The following RAD51B variants were observed in gnomAD, a reference collection of about 807,000 sequenced individuals.
The protein encoded by RAD51B is RAD51 paralog B.
Under a neutral mutation model 42.2 loss-of-function variants are expected in RAD51B, and 38 were observed. That is an observed-to-expected ratio of 0.90 (90% CI 0.70 to 1.18). The LOEUF (loss-of-function observed/expected upper bound fraction) is 1.18. Ranked by LOEUF, RAD51B falls within the 50% of genes most tolerant of loss-of-function variation. The pLI, the probability that RAD51B is intolerant of heterozygous loss-of-function variation, is 0.00. For synonymous variants in RAD51B, 154 were observed against 145.2 expected, an observed-to-expected ratio of 1.06 and a Z score of -0.43; for missense variants, 373 against 400.7, an observed-to-expected ratio of 0.93 and a Z score of 0.59.
chr14:68,175,602 C>T (rs1405576300), intron 7 of RAD51B, among the ~76,000 whole-genome samples: 1 of 152,146 alleles, frequency 6.6e-6, no homozygotes, highest in Admixed American at 6.5e-5. Context: ...TAAGTGTGCC[C>T]ATGTCTCACT....
intron 7 of RAD51B, among the ~76,000 whole-genome samples, chr14:68,215,366 G>T (rs2079792777): frequency 6.6e-6 from 1 of 152,182 alleles, no homozygotes; most frequent in Non-Finnish European, 1.5e-5. Context: ...AGAAGAGGAA[G>T]CAAGACAGAT....
chr14:67,977,801 A>G (rs1376208434), intron 7 of RAD51B, among the ~76,000 whole-genome samples: 4 of 152,230 alleles, frequency 2.6e-5, no homozygotes, highest in Non-Finnish European at 4.4e-5. Context: ...TTCTTGGCAT[A>G]CTTTGCACAA....
At chr14:68,339,008 T>G (rs1810623) in intron 8 of RAD51B, 2 of 655,144 alleles carry the variant, frequency 3.1e-6, no homozygotes, top group Admixed American at 2.0e-5. Context: ...TTTTACAACA[T>G]GGGGCAGGCA....
At chr14:68,058,126 A>G (rs542882242) in intron 7 of RAD51B, among the ~76,000 whole-genome samples, 1 of 152,114 alleles carries the variant, frequency 6.6e-6, no homozygotes, top group Admixed American at 6.5e-5. Context: ...ATGATACTCA[A>G]TTTTATCTTT....
At chr14:68,466,868 A>G (rs566585758) in intron 9 of RAD51B, among the ~76,000 whole-genome samples, 2 of 152,372 alleles carry the variant, frequency 1.3e-5, no homozygotes, top group East Asian at 3.9e-4. Context: ...CTCCTAGCCA[A>G]TCAGTGGAAG....
At chr14:67,966,965 T>C (rs2074792023) in intron 7 of RAD51B, among the ~76,000 whole-genome samples, 1 of 152,156 alleles carries the variant, frequency 6.6e-6, no homozygotes, top group Admixed American at 6.5e-5. Context: ...TTTGTTTTCA[T>C]GCAGCTGATA....
intron 8 of RAD51B, among the ~76,000 whole-genome samples, chr14:68,298,352 G>T (rs1423236482): frequency 3.9e-5 from 6 of 152,200 alleles, no homozygotes; most frequent in Non-Finnish European, 7.3e-5. Context: ...GAACATTAAA[G>T]TCAACCACCA....
At chr14:68,465,663 C>A (rs1329321930) in intron 9 of RAD51B, among the ~76,000 whole-genome samples, 2 of 152,244 alleles carry the variant, frequency 1.3e-5, no homozygotes, top group East Asian at 3.9e-4. Flanking sequence ...TGAACCGGGC[C>A]AGGCGTGGTG....
chr14:68,034,013 C>A (rs536659725), intron 7 of RAD51B, among the ~76,000 whole-genome samples: 72 of 152,172 alleles, frequency 4.7e-4, no homozygotes, highest in African/African-American at 1.7e-3. Context: ...ATCTGAGATA[C>A]AAATGAATCA....
intron 7 of RAD51B, among the ~76,000 whole-genome samples, chr14:67,968,501 T>G (rs969182923): frequency 3.3e-5 from 5 of 152,218 alleles, no homozygotes; most frequent in Admixed American, 2.0e-4. Flanking sequence ...GCTTAGAAAT[T>G]TCTTCTACCA....
chr14:68,638,595 G>A (rs1892389351), intron 10 of RAD51B, among the ~76,000 whole-genome samples: 1 of 152,280 alleles, frequency 6.6e-6, no homozygotes, highest in South Asian at 2.1e-4. Context: ...TGATGGGGGA[G>A]GGGAGCTGGC....
chr14:67,891,571 A>AT (rs970592276), intron 7 of RAD51B, among the ~76,000 whole-genome samples: 7 of 152,062 alleles, frequency 4.6e-5, no homozygotes, highest in African/African-American at 1.7e-4. Context: ...ACAAGGTTAA[A>AT]TTTTTTATTA....
At chr14:67,976,899 G>A (rs1299220147) in intron 7 of RAD51B, among the ~76,000 whole-genome samples, 2 of 152,050 alleles carry the variant, frequency 1.3e-5, no homozygotes, top group Non-Finnish European at 2.9e-5. Flanking sequence ...TCAACAAGTG[G>A]GCGAAGGATA....
intron 11 of RAD51B, among the ~76,000 whole-genome samples, chr14:68,654,696 C>A (rs1892773327): frequency 6.6e-6 from 1 of 152,246 alleles, no homozygotes; most frequent in Admixed American, 6.5e-5. Flanking sequence ...ATAGGAAGGC[C>A]CCCAACTCTA....
intron 7 of RAD51B, among the ~76,000 whole-genome samples, chr14:67,937,060 T>A (rs956580428): frequency 6.6e-6 from 1 of 152,230 alleles, no homozygotes; most frequent in Non-Finnish European, 1.5e-5. Flanking sequence ...AGCAGAAATA[T>A]GTTATATACA....
chr14:68,619,930 T>C (rs1034858776), intron 10 of RAD51B, among the ~76,000 whole-genome samples: 1 of 152,152 alleles, frequency 6.6e-6, no homozygotes, highest in Non-Finnish European at 1.5e-5. Flanking sequence ...AAGGTTGATG[T>C]TTTTCCTAGA....
chr14:68,160,489 T>A (rs562956245), intron 7 of RAD51B, among the ~76,000 whole-genome samples: 1 of 152,330 alleles, frequency 6.6e-6, no homozygotes, highest in South Asian at 2.1e-4. Context: ...TGTTTTGCAA[T>A]GCCCTGCCAA....
chr14:68,240,938 T>G (rs1005433120), intron 7 of RAD51B, among the ~76,000 whole-genome samples: 1 of 152,152 alleles, frequency 6.6e-6, no homozygotes, highest in Non-Finnish European at 1.5e-5. Context: ...AAAACCAAAT[T>G]CATGTGACAA....
intron 8 of RAD51B, among the ~76,000 whole-genome samples, chr14:68,294,478 C>T (rs1813035652): frequency 1.3e-5 from 2 of 152,300 alleles, no homozygotes; most frequent in African/African-American, 2.4e-5. Context: ...CATGCACACG[C>T]ATGTATAAAT....
Sources: gnomAD v4.1 joint callset for allele counts (sites outside exome capture counted in the v4.1 genomes callset) on GRCh38, gnomAD v4.1.1 for gene constraint, MANE v1.5 for transcripts, NCBI Gene and HGNC (gene_info 2026-07-23, HGNC 2026-07-21) for gene names.